CHMP4C: variants seen among roughly 807,000 people sequenced by gnomAD.
CHMP4C encodes the protein SNF7 homolog associated with Alix 3.
A neutral mutation model predicts 29.0 loss-of-function variants in CHMP4C; 28 were observed. The observed-to-expected ratio is 0.97, with a 90% CI of 0.72 to 1.32. The LOEUF (loss-of-function observed/expected upper bound fraction) is 1.32. Ranked by LOEUF, CHMP4C falls within the 40% of genes most tolerant of loss-of-function variation. The pLI, the probability that CHMP4C is intolerant of heterozygous loss-of-function variation, is 0.00. For missense variants in CHMP4C, 291 were observed against 281.0 expected (o/e 1.04, Z -0.25); for synonymous variants, 106 against 102.4 (o/e 1.04, Z -0.21).
intron 1 of CHMP4C, among the ~76,000 whole-genome samples, chr8:81,743,766 A>G (rs1808791721): frequency 1.3e-5 from 2 of 152,158 alleles, no homozygotes; most frequent in Non-Finnish European, 2.9e-5. Context: ...GGTAGCAAGA[A>G]TTGCCTCATC....
At chr8:81,753,817 A>T (rs1373000134) in intron 2 of CHMP4C, among the ~76,000 whole-genome samples, 1 of 152,080 alleles carries the variant, frequency 6.6e-6, no homozygotes, top group Admixed American at 6.6e-5. Flanking sequence ...CAGTTTCCTT[A>T]TATGTAAATT....
At chr8:81,745,992 G>C (rs768678542) in intron 1 of CHMP4C, among the ~76,000 whole-genome samples, 4 of 152,156 alleles carry the variant, frequency 2.6e-5, no homozygotes, top group Non-Finnish European at 4.4e-5. Flanking sequence ...AAAAAATACA[G>C]CTGCTTCTTT....
At chr8:81,747,512 CT>C in intron 1 of CHMP4C, among the ~76,000 whole-genome samples, 1 of 152,050 alleles carries the variant, frequency 6.6e-6, no homozygotes, top group African/African-American at 2.4e-5. Flanking sequence ...TCATAGGATA[CT>C]CTGCTGAATA....
At chr8:81,741,111 C>T (rs1330771958) in intron 1 of CHMP4C, among the ~76,000 whole-genome samples, 3 of 152,110 alleles carry the variant, frequency 2.0e-5, no homozygotes, top group Non-Finnish European at 4.4e-5. Context: ...TGGATTGTAG[C>T]AACTTCTAGA....
chr8:81,758,678 T>C lies in CHMP4C; in HGVS notation c.*134T>C. 1.5e-6 allele frequency: 1 copy of C among 672,670 alleles called. No homozygotes were observed. The highest frequency in any genetic ancestry group is 2.5e-6 in the Non-Finnish European group (1 of 392,304). 41.7% of individuals were successfully genotyped at this position (672,670 alleles called of 1,614,324 possible). A position where few individuals can be genotyped will look rare whatever the true frequency, so the allele number is the denominator to read the frequency against. On this transcript the variant is annotated 3_prime_UTR_variant, in exon 5 of 5. Transcript: ENST00000297265. Reference sequence around the variant, plus strand: ...ATGAATAATTGTGTTTTAAGCCTCCTAAGTAAAAGTAAAAAAGGAGTCATG... The same window carrying C: ...ATGAATAATTGTGTTTTAAGCCTCCCAAGTAAAAGTAAAAAAGGAGTCATG...
In CHMP4C at chr8:81,755,381, A is replaced by G. The variant is rs1401765021; in HGVS notation, c.380A>G (p.Lys127Arg). ...KSVHENMDLN[K>R]IDDLMQEITE... Reference sequence around the variant, plus strand: ...ATATGATTTCCCAGGGATCTGAACAAAATAGATGATTTGATGCAAGAGATC... The same window carrying G: ...ATATGATTTCCCAGGGATCTGAACAGAATAGATGATTTGATGCAAGAGATC... Residue 127 changes from lysine to arginine, a missense_variant, in exon 3 of 5, where the codon AAA (lysine) becomes AGA (arginine). Coordinates refer to ENST00000297265, the MANE Select transcript of CHMP4C (RefSeq NM_152284.4). 6.2e-7 allele frequency: 1 copy of G among 1,603,756 alleles called. No homozygotes were observed. The highest frequency in any genetic ancestry group is 8.5e-7 in the Non-Finnish European group (1 of 1,171,978).
intron 1 of CHMP4C, among the ~76,000 whole-genome samples, chr8:81,742,311 G>A (rs1808771295): frequency 6.6e-6 from 1 of 152,088 alleles, no homozygotes; most frequent in Non-Finnish European, 1.5e-5. Context: ...GCAAGCAAAC[G>A]AGAATGGTAA....
intron 1 of CHMP4C, among the ~76,000 whole-genome samples, chr8:81,734,575 C>T (rs1808661812): frequency 6.6e-6 from 1 of 152,170 alleles, no homozygotes. Context: ...GGTGATCCAC[C>T]TGCCTTGGCC....
rs1808632930 is a variant in CHMP4C, at chr8:81,732,668, T to G, written c.42T>G (p.Ser14=). 3.2e-6 allele frequency: 5 copies of G among 1,569,190 alleles called. No homozygotes were observed. Among genetic ancestry groups the G allele is most frequent in the Non-Finnish European group, 4.3e-6 (5 of 1,157,440 alleles). Residue 14 remains serine (S), a synonymous_variant, in exon 1 of 5, where the codon TCT becomes TCG. Coordinates refer to ENST00000297265, the MANE Select transcript of CHMP4C (RefSeq NM_152284.4). ...AGTTCTTTAAAGGGGGCGGCTCTTC[T>G]AAGAGCCGAGCCGCTCCCAGTCCCC... ...LGKFFKGGGS[S]KSRAAPSPQE... is the part of the protein sequence containing the mutation.
intron 1 of CHMP4C, among the ~76,000 whole-genome samples, chr8:81,739,581 G>A (rs1808738598): frequency 6.6e-6 from 1 of 152,124 alleles, no homozygotes; most frequent in South Asian, 2.1e-4. Context: ...TCCCTTACCA[G>A]AAGCTCCACT....
At chr8:81,743,103 G>A (rs1808783520) in intron 1 of CHMP4C, among the ~76,000 whole-genome samples, 1 of 151,950 alleles carries the variant, frequency 6.6e-6, no homozygotes, top group South Asian at 2.1e-4. Context: ...GAACTGAGAG[G>A]GGCTAAAGGA....
intron 1 of CHMP4C, among the ~76,000 whole-genome samples, chr8:81,750,204 A>G (rs1036828095): frequency 6.6e-6 from 1 of 152,206 alleles, no homozygotes; most frequent in Non-Finnish European, 1.5e-5. Context: ...AGTTAGAAAC[A>G]TAATCTTTTA....
At chr8:81,737,629 T>C (rs1396165695) in intron 1 of CHMP4C, among the ~76,000 whole-genome samples, 2 of 152,200 alleles carry the variant, frequency 1.3e-5, no homozygotes, top group African/African-American at 2.4e-5. Context: ...CCAAATAAAG[T>C]CCCACATTTG....
chr8:81,733,800 C>T lies in CHMP4C; in HGVS notation c.190+984C>T, dbSNP rs570353300. On this transcript the variant is annotated intron_variant, in intron 1 of 4. Coordinates refer to ENST00000297265, the MANE Select transcript of CHMP4C (RefSeq NM_152284.4). ...ATGGCAGACCCAGAAAAGGAAGTGG[C>T]AATATCGGACTCTGCTTACCACCAA... 2.0e-5 allele frequency among the ~76,000 whole-genome samples: 3 copies of T among 152,280 alleles called. No individual in the cohort carries two copies. The South Asian group carries it at 6.2e-4, about 32-fold the overall frequency.
intron 1 of CHMP4C, among the ~76,000 whole-genome samples, chr8:81,742,183 A>G (rs1044945205): frequency 6.6e-6 from 1 of 152,164 alleles, no homozygotes; most frequent in African/African-American, 2.4e-5. Context: ...GGTAGCTAGA[A>G]GCCCCCACTA....
chr8:81,755,471 A>G lies in CHMP4C; in HGVS notation c.470A>G (p.Asp157Gly). ...EAFSQRVGFG[D>G]DFDEDELMAE... ...TTTTCTCAACGGGTTGGCTTTGGTG[A>G]TGACTTTGATGAGGTACGTAACCCA... The change falls in exon 3 of 5, where the codon GAT (aspartate) becomes GGT (glycine). Residue 157 changes from aspartate to glycine, a missense_variant. Coordinates refer to ENST00000297265, the MANE Select transcript of CHMP4C (RefSeq NM_152284.4). 1 of 1,605,136 alleles carries G rather than the reference A, an allele frequency of 6.2e-7. No individual in the cohort carries two copies. Among genetic ancestry groups the G allele is most frequent in the Non-Finnish European group, 8.5e-7 (1 of 1,172,374 alleles).
chr8:81,739,047 G>A (rs1322654598), intron 1 of CHMP4C, among the ~76,000 whole-genome samples: 3 of 150,454 alleles, frequency 2.0e-5, no homozygotes, highest in Non-Finnish European at 3.0e-5. Context: ...CAGATAATTG[G>A]ATGAAATATC....
intron 1 of CHMP4C, among the ~76,000 whole-genome samples, chr8:81,739,423 G>GGA (rs538186074): frequency 7.0e-6 from 1 of 142,816 alleles, no homozygotes; most frequent in Admixed American, 7.0e-5. Context: ...GATTGTGGGG[G>GGA]GGGGTGGAAA....
intron 1 of CHMP4C, among the ~76,000 whole-genome samples, chr8:81,735,822 C>T (rs1808681399): frequency 6.6e-6 from 1 of 152,094 alleles, no homozygotes; most frequent in Admixed American, 6.6e-5. Flanking sequence ...CATGGTGGCT[C>T]ATTCCTGTAA....
Sources: gnomAD v4.1 joint callset for allele counts (sites outside exome capture counted in the v4.1 genomes callset) on GRCh38, gnomAD v4.1.1 for gene constraint, MANE v1.5 for transcripts, NCBI Gene and HGNC (gene_info 2026-07-23, HGNC 2026-07-21) for gene names.